The following SLIT3 variants were observed in gnomAD, a reference collection of about 807,000 sequenced individuals.
The protein encoded by SLIT3 is slit guidance ligand 3.
Under a neutral mutation model 184.0 loss-of-function variants are expected in SLIT3, and 68 were observed. The ratio of observed to expected loss-of-function variants is 0.37; its 90% CI spans 0.30 to 0.45. SLIT3 has a LOEUF of 0.45. SLIT3 is among the 20% of genes least tolerant of loss of function. SLIT3 has a pLI of 1.00. For synonymous variants in SLIT3, 831 were observed against 828.6 expected, an observed-to-expected ratio of 1.00 and a Z score of -0.05; for missense variants, 1,707 against 2,026.0, an observed-to-expected ratio of 0.84 and a Z score of 3.02.
chr5:168,924,803 G>A (rs1761760770), intron 4 of SLIT3, among the ~76,000 whole-genome samples: 3 of 152,096 alleles, frequency 2.0e-5, no homozygotes, highest in Admixed American at 1.3e-4. Context: ...GTGAGCCACC[G>A]CACCCAGCTG....
intron 3 of SLIT3, among the ~76,000 whole-genome samples, chr5:169,207,626 C>T (rs73805024): frequency 1.3e-3 from 195 of 152,246 alleles, no homozygotes; most frequent in African/African-American, 4.1e-3. Flanking sequence ...GAACTAAGAA[C>T]GGCTAAATGA....
chr5:169,246,990 G>A (rs1333175840), intron 2 of SLIT3, among the ~76,000 whole-genome samples: 5 of 148,994 alleles, frequency 3.4e-5, no homozygotes, highest in African/African-American at 1.3e-4. Context: ...CAACACTTTG[G>A]GAGGCCCAGG....
intron 4 of SLIT3, among the ~76,000 whole-genome samples, chr5:169,159,644 C>A (rs1387153884): frequency 6.6e-6 from 1 of 152,068 alleles, no homozygotes; most frequent in Admixed American, 6.6e-5. Context: ...GGCGTGGTGG[C>A]AGGCACCTGT....
At chr5:169,042,797 T>C (rs1179153500) in intron 4 of SLIT3, among the ~76,000 whole-genome samples, 1 of 152,228 alleles carries the variant, frequency 6.6e-6, no homozygotes, top group Non-Finnish European at 1.5e-5. Context: ...CTTGGGATTC[T>C]GAACAGGTGT....
At position 168,761,921 on chromosome 5, in the gene SLIT3, A is replaced by AATT. The variant is rs1554139194; in HGVS notation, c.1610+617_1610+618insAAT. 5.7e-3 allele frequency among the ~76,000 whole-genome samples: 627 copies of AATT among 110,486 alleles called. 7 individuals are homozygous for AATT. Among genetic ancestry groups the AATT allele is most frequent in the African/African-American group, 0.02 (547 of 27,894 alleles). 72.5% of individuals were successfully genotyped at this position (110,486 alleles called of 152,430 possible). The stretch of plus-strand genomic sequence containing the variant: ...CATGCCCAGCTAATAAAAAAAAAAA[A>AATT]TTTTTTTTTTTTTTTTGTAGAGACT... On this transcript the variant is annotated intron_variant, in intron 15 of 35. Transcript: ENST00000519560.
intron 20 of SLIT3, among the ~76,000 whole-genome samples, chr5:168,742,977 C>T (rs1182297967): frequency 6.6e-6 from 1 of 151,886 alleles, no homozygotes; most frequent in African/African-American, 2.4e-5. Flanking sequence ...AAAAAAAATA[C>T]AAAAATTAGC....
At chr5:169,244,628 C>T in intron 3 of SLIT3, 77 bp downstream of exon 3, 1 of 1,387,462 alleles carries the variant, frequency 7.2e-7, no homozygotes. Context: ...GGCCAATTTA[C>T]AAAAACAAAA....
chr5:168,703,778 C>G (rs1340904750), intron 26 of SLIT3, among the ~76,000 whole-genome samples: 5 of 151,836 alleles, frequency 3.3e-5, no homozygotes, highest in Admixed American at 6.6e-5. Flanking sequence ...ATGGTGAAAC[C>G]CTGTATCTAC....
intron 23 of SLIT3, among the ~76,000 whole-genome samples, chr5:168,718,674 C>CCACACACACACACA (rs1384443739): frequency 1.4e-5 from 1 of 69,976 alleles, no homozygotes; most frequent in Admixed American, 1.5e-4. Context: ...TCATATCCAC[C>CCACACACACACACA]CATACACACA....
Position 168,868,747 on chromosome 5 carries a change from C to CAAAAA in SLIT3, c.485+14513_485+14517dup, listed in dbSNP as rs375837097. On this transcript the variant is annotated intron_variant, in intron 5 of 35. Coordinates refer to ENST00000519560, the MANE Select transcript of SLIT3 (RefSeq NM_003062.4). ...CGGGTGGCAGTGTGGGAATCTGCCT[C>CAAAAA]AAAAAAAAAAAAAAAAAAAGAAAAA... Among the ~76,000 whole-genome samples, 288 of 69,250 alleles carry CAAAAA rather than the reference C, an allele frequency of 4.2e-3. 5 individuals carry two copies. The highest frequency in any genetic ancestry group is 0.014 in the African/African-American group (265 of 18,462). 45.4% of individuals were successfully genotyped at this position (69,250 alleles called of 152,430 possible).
chr5:169,165,323 T>C (rs1157070001), intron 4 of SLIT3, among the ~76,000 whole-genome samples: 3 of 152,236 alleles, frequency 2.0e-5, no homozygotes, highest in African/African-American at 7.2e-5. Flanking sequence ...GATCCTATTG[T>C]ATGCAGTCTG....
chr5:168,871,698 T>A (rs1379812704), intron 5 of SLIT3, among the ~76,000 whole-genome samples: 3 of 152,136 alleles, frequency 2.0e-5, no homozygotes, highest in Non-Finnish European at 2.9e-5. Context: ...GTCTCTAAGA[T>A]GTGATAACCT....
chr5:168,856,164 G>A (rs909116955), intron 5 of SLIT3, among the ~76,000 whole-genome samples: 1 of 152,170 alleles, frequency 6.6e-6, no homozygotes, highest in African/African-American at 2.4e-5. Flanking sequence ...ACTACATTGC[G>A]AGTGTACTAA....
At chr5:168,947,510 A>G (rs560107687) in intron 4 of SLIT3, among the ~76,000 whole-genome samples, 37 of 152,334 alleles carry the variant, frequency 2.4e-4, no homozygotes, top group Admixed American at 1.7e-3. Context: ...ATAGGAAGAA[A>G]AAAAACAGGC....
chr5:169,247,597 T>C (rs1301806552), intron 2 of SLIT3, among the ~76,000 whole-genome samples: 5 of 152,188 alleles, frequency 3.3e-5, no homozygotes, highest in Non-Finnish European at 7.3e-5. Flanking sequence ...AGGATATCTA[T>C]ATGAGATACA....
chr5:168,890,773 G>A (rs892627364), intron 4 of SLIT3, among the ~76,000 whole-genome samples: 1 of 152,172 alleles, frequency 6.6e-6, no homozygotes, highest in Non-Finnish European at 1.5e-5. Flanking sequence ...TTTATCATCT[G>A]TGCTTTGCTT....
At chr5:168,924,918 G>A (rs577942870) in intron 4 of SLIT3, among the ~76,000 whole-genome samples, 6 of 152,128 alleles carry the variant, frequency 3.9e-5, no homozygotes, top group South Asian at 2.1e-4. Context: ...AAGAAAGAAC[G>A]CATCCCTGAG....
chr5:169,229,715 C>G (rs1388922830), intron 3 of SLIT3, among the ~76,000 whole-genome samples: 1 of 151,620 alleles, frequency 6.6e-6, no homozygotes, highest in Non-Finnish European at 1.5e-5. Flanking sequence ...GGGAGAGGAG[C>G]AGTGCTGAAA....
At chr5:169,004,884 C>T (rs1447531385) in intron 4 of SLIT3, among the ~76,000 whole-genome samples, 1 of 152,104 alleles carries the variant, frequency 6.6e-6, no homozygotes, top group East Asian at 1.9e-4. Context: ...ATGCTGGCAC[C>T]CTGACCTTGA....
Sources: allele counts gnomAD v4.1 joint callset (sites outside exome capture counted in the v4.1 genomes callset), GRCh38; gene constraint gnomAD v4.1.1; transcripts MANE v1.5; gene names NCBI Gene and HGNC (gene_info 2026-07-23, HGNC 2026-07-21).